Variants in CHST11 observed in about 807,000 individuals in gnomAD.
CHST11 encodes the protein C4S-1.
In CHST11, 9 loss-of-function variants were observed where a neutral mutation model predicts 30.4. The ratio of observed to expected loss-of-function variants is 0.30; its 90% confidence interval spans 0.18 to 0.52. The LOEUF is 0.52. Ranked by LOEUF, CHST11 falls within the 20% of genes least tolerant of loss-of-function variation. CHST11 has a pLI of 0.97. For synonymous variants in CHST11, 152 were observed against 187.8 expected, an observed-to-expected ratio of 0.81 and a Z score of 1.56; for missense variants, 348 against 460.6, an observed-to-expected ratio of 0.76 and a Z score of 2.24.
At chr12:104,470,978 C>T (rs746022434) in intron 1 of CHST11, among the ~76,000 whole-genome samples, 4 of 152,236 alleles carry the variant, frequency 2.6e-5, no homozygotes, top group Non-Finnish European at 5.9e-5. Flanking sequence ...TTACCCTACA[C>T]GCTATCCCTG....
At chr12:104,641,773 G>A (rs1285289419) in intron 2 of CHST11, among the ~76,000 whole-genome samples, 1 of 152,174 alleles carries the variant, frequency 6.6e-6, no homozygotes, top group African/African-American at 2.4e-5. Context: ...AAGGAGGATG[G>A]CTGTTCCCCA....
intron 2 of CHST11, among the ~76,000 whole-genome samples, chr12:104,740,514 T>C (rs1479180340): frequency 6.6e-6 from 1 of 152,204 alleles, no homozygotes; most frequent in African/African-American, 2.4e-5. Flanking sequence ...TGGGTTCCAG[T>C]CTTTGCTCTG....
At chr12:104,597,520 C>T (rs913026736) in intron 1 of CHST11, among the ~76,000 whole-genome samples, 2 of 152,114 alleles carry the variant, frequency 1.3e-5, no homozygotes, top group Non-Finnish European at 2.9e-5. Flanking sequence ...CAGTTTTCTC[C>T]TTATATAGCA....
intron 1 of CHST11, among the ~76,000 whole-genome samples, chr12:104,544,172 A>G (rs1472635417): frequency 7.0e-6 from 1 of 142,974 alleles, no homozygotes; most frequent in East Asian, 2.2e-4. Context: ...GAAAGAAAGA[A>G]AGAAAGAAAG....
In CHST11 at chr12:104,458,645, C is replaced by G. The variant is rs1565948912; in HGVS notation, c.118+1116C>G. Among the ~76,000 whole-genome samples the G allele has an allele frequency of 6.6e-6, 1 of 152,248 alleles. No homozygotes were observed. Among genetic ancestry groups the G allele is most frequent in the Non-Finnish European group, 1.5e-5 (1 of 68,042 alleles). On this transcript the variant is annotated intron_variant, in intron 1 of 2. Coordinates refer to ENST00000303694, the MANE Select transcript of CHST11 (RefSeq NM_018413.6). This position sits in a 1 kb window ranked among gnomAD's most constrained non-coding sequence, Gnocchi z 5.7. Reference sequence around the variant, plus strand: ...GCTCCCCTGCTCCCTTTTACCCTCCCTTAGCAGCCCCCTGCCGGGCCACGT... The same window carrying G: ...GCTCCCCTGCTCCCTTTTACCCTCCGTTAGCAGCCCCCTGCCGGGCCACGT...
At chr12:104,465,767 G>T (rs1242943774) in intron 1 of CHST11, among the ~76,000 whole-genome samples, 2 of 152,218 alleles carry the variant, frequency 1.3e-5, no homozygotes, top group African/African-American at 4.8e-5. Context: ...AACAGCATCT[G>T]CTGTGGTCTA....
At chr12:104,464,324 T>C (rs1053311088) in intron 1 of CHST11, among the ~76,000 whole-genome samples, 18 of 151,994 alleles carry the variant, frequency 1.2e-4, no homozygotes, top group African/African-American at 1.7e-4. Flanking sequence ...CTCCTCGGCC[T>C]CCCAAAGTGC....
intron 1 of CHST11, among the ~76,000 whole-genome samples, chr12:104,508,046 C>T (rs780192425): frequency 5.3e-4 from 81 of 152,202 alleles, no homozygotes; most frequent in Non-Finnish European, 7.4e-5. Context: ...ACTTACCAGT[C>T]TTAGGACAGA....
At chr12:104,750,428 CT>C (rs10659007) in intron 2 of CHST11, among the ~76,000 whole-genome samples, 230 of 48,686 alleles carry the variant, frequency 4.7e-3, no homozygotes, top group African/African-American at 0.018. Context: ...TATTTCTGCA[CT>C]TTTTTTTTTT....
chr12:104,640,617 A>G (rs567547015), intron 2 of CHST11, among the ~76,000 whole-genome samples: 2 of 152,242 alleles, frequency 1.3e-5, no homozygotes, highest in Non-Finnish European at 2.9e-5. Flanking sequence ...AGGGATGAAC[A>G]GGAAGAGCAC....
intron 1 of CHST11, among the ~76,000 whole-genome samples, chr12:104,572,609 T>G (rs1196045175): frequency 6.6e-6 from 1 of 152,206 alleles, no homozygotes. Flanking sequence ...CTCTCTTTTC[T>G]TCTTTATTAG....
intron 1 of CHST11, among the ~76,000 whole-genome samples, chr12:104,558,373 G>T (rs1300759617): frequency 1.3e-5 from 2 of 152,078 alleles, no homozygotes; most frequent in East Asian, 1.9e-4. Flanking sequence ...GAAAAGCTGG[G>T]GAGGGAGCTC....
At chr12:104,755,976 G>A (rs1472863913) in intron 2 of CHST11, among the ~76,000 whole-genome samples, 1 of 152,046 alleles carries the variant, frequency 6.6e-6, no homozygotes, top group Admixed American at 6.6e-5. Flanking sequence ...GTTGGCATTG[G>A]GCTATGGAGA....
intron 1 of CHST11, among the ~76,000 whole-genome samples, chr12:104,469,801 C>G (rs563790161): frequency 1.3e-5 from 2 of 152,166 alleles, no homozygotes; most frequent in African/African-American, 2.4e-5. Flanking sequence ...GGGCTAGGCC[C>G]GGCATTCTTC....
At chr12:104,470,538 A>G (rs2135953875) in intron 1 of CHST11, among the ~76,000 whole-genome samples, 1 of 152,350 alleles carries the variant, frequency 6.6e-6, no homozygotes, top group East Asian at 1.9e-4. Flanking sequence ...ATGGGGACAC[A>G]GTCAAACCAT....
intron 2 of CHST11, among the ~76,000 whole-genome samples, chr12:104,731,277 G>A (rs190058755): frequency 1.6e-4 from 24 of 152,266 alleles, no homozygotes; most frequent in African/African-American, 5.3e-4. Flanking sequence ...AGGGCAGCCC[G>A]AACAGGGACA....
intron 1 of CHST11, among the ~76,000 whole-genome samples, chr12:104,499,801 T>C (rs1476291110): frequency 6.6e-6 from 1 of 152,204 alleles, no homozygotes; most frequent in Non-Finnish European, 1.5e-5. Flanking sequence ...TGCCCCTCTG[T>C]TCTCTTGCTG....
intron 2 of CHST11, among the ~76,000 whole-genome samples, chr12:104,669,125 C>T (rs911855723): frequency 2.0e-5 from 3 of 152,232 alleles, no homozygotes; most frequent in Admixed American, 6.5e-5. Context: ...AGCACAGGCT[C>T]GCACAATCGC....
chr12:104,488,807 G>A (rs1180302576), intron 1 of CHST11, among the ~76,000 whole-genome samples: 1 of 151,474 alleles, frequency 6.6e-6, no homozygotes. Flanking sequence ...GTTGTTCACC[G>A]TTGTGTTAGT....
Sources: gnomAD v4.1 joint callset for allele counts (sites outside exome capture counted in the v4.1 genomes callset) on GRCh38, gnomAD v4.1.1 for gene constraint, Gnocchi (gnomAD v3.1) non-coding constraint, MANE v1.5 for transcripts, NCBI Gene and HGNC (gene_info 2026-07-23, HGNC 2026-07-21) for gene names.